Variants in CLEC4M observed in about 807,000 individuals in gnomAD.
CLEC4M encodes the protein CD209 antigen-like protein 1.
A neutral mutation model predicts 39.1 loss-of-function variants in CLEC4M; 25 were observed. The ratio of observed to expected loss-of-function variants is 0.64; its 90% CI spans 0.47 to 0.89. The LOEUF (loss-of-function observed/expected upper bound fraction) is 0.89, where lower values mean the gene tolerates loss of function less well. Among genes scored for constraint, CLEC4M ranks in the 40% least tolerant of loss-of-function variants. The probability of loss-of-function intolerance (pLI) is 0.00; values close to 1 mark genes in which losing one functional copy is unlikely to be tolerated. For synonymous variants in CLEC4M, 155 were observed against 177.4 expected, an observed-to-expected ratio of 0.87 and a Z score of 1.00; for missense variants, 353 against 431.4, an observed-to-expected ratio of 0.82 and a Z score of 1.61.
chr19:7,765,322 G>T (rs781267858), intron 3 of CLEC4M, 54 bp downstream of exon 3: 6 of 1,592,754 alleles, frequency 3.8e-6, no homozygotes, highest in Non-Finnish European at 5.2e-6. Context: ...TTTTGGCTAT[G>T]AACAGAGCCT....
intron 1 of CLEC4M, 28 bp from the exon 2 acceptor site, chr19:7,763,365 G>A: frequency 5.0e-6 from 8 of 1,613,432 alleles, no homozygotes; most frequent in African/African-American, 4.0e-5. Flanking sequence ...GGATGGCCCA[G>A]GCTCTGAGCT....
At chr19:7,768,760 CATCAATATTACAGA>C (rs1239796417) in intron 6 of CLEC4M, 64 bp from the exon 7 acceptor site, 1 of 1,517,996 alleles carries the variant, frequency 6.6e-7, no homozygotes, top group African/African-American at 1.4e-5. Context: ...GATGTTAAAG[CATCAATATTACAGA>C]AGGTAGGAGT....
chr19:7,764,557 C>T (rs1355155218), intron 2 of CLEC4M, among the ~76,000 whole-genome samples: 2 of 152,006 alleles, frequency 1.3e-5, no homozygotes, highest in East Asian at 1.9e-4. Flanking sequence ...GGCGCCATCT[C>T]GGCTCACTGC....
intron 6 of CLEC4M, 61 bp from the exon 7 acceptor site, chr19:7,768,777 G>A: frequency 6.3e-7 from 1 of 1,579,940 alleles, no homozygotes; most frequent in East Asian, 2.3e-5. Flanking sequence ...ATTACAGAAG[G>A]TAGGAGTGTG....
At chr19:7,765,083 T>G (rs1393281176) in intron 2 of CLEC4M, 102 bp from the exon 3 acceptor site, 1 of 1,268,838 alleles carries the variant, frequency 7.9e-7, no homozygotes, top group East Asian at 2.3e-5. Flanking sequence ...GGGCTGGGGC[T>G]GGGGTTCCTG....
intron 5 of CLEC4M, 187 bp from the exon 6 acceptor site, chr19:7,767,329 C>A (rs1410237032): frequency 3.5e-6 from 2 of 575,458 alleles, no homozygotes; most frequent in Non-Finnish European, 6.2e-6. Flanking sequence ...TGCGTGCCTG[C>A]ATGTCAGGAC....
At position 7,769,282 on chromosome 19, in the gene CLEC4M, T is replaced by C. The variant is rs1046000; in HGVS notation, c.*294T>C. 3.6e-6 allele frequency: 1 copy of C among 280,894 alleles called. No individual in the cohort carries two copies. Among genetic ancestry groups the C allele is most frequent in the East Asian group, 7.1e-5 (1 of 14,046 alleles). 17.4% of individuals were successfully genotyped at this position (280,894 alleles called of 1,614,324 possible). ...GTATGAATCCACTCTCTGTTCCTTT[T>C]GGAGATTAGACTATTTGGATTCATG... On this transcript the variant is annotated 3_prime_UTR_variant, in exon 7 of 7. Transcript: ENST00000327325.
Position 7,767,550 on chromosome 19 carries a change from G to A in CLEC4M, c.971G>A (p.Arg324His), listed in dbSNP as rs375821664. 3.5e-5 allele frequency: 56 copies of A among 1,614,148 alleles called. No individual in the cohort carries two copies. The highest frequency in any genetic ancestry group is 2.9e-4 in the East Asian group (13 of 44,882). ...FLQLQTSRSNRFSWMGLSDLN... is the reference protein window; with the variant it reads ...FLQLQTSRSNHFSWMGLSDLN... ...CAGCTGCAGACTTCCAGGAGTAACCGCTTCTCCTGGATGGGACTTTCAGAC... is the reference window on the plus strand; with the variant it reads ...CAGCTGCAGACTTCCAGGAGTAACCACTTCTCCTGGATGGGACTTTCAGAC... The change falls in exon 6 of 7, where the codon CGC becomes CAC. Residue 324 changes from arginine (R) to histidine (H), a missense_variant. Arg to His is a conservative substitution (Grantham distance 29, BLOSUM62 0). Transcript: ENST00000327325.
intron 2 of CLEC4M, 59 bp from the exon 3 acceptor site, chr19:7,765,126 C>A (rs1568528309): frequency 1.3e-6 from 2 of 1,581,572 alleles, no homozygotes; most frequent in Non-Finnish European, 1.7e-6. Flanking sequence ...AGGCCAGGCT[C>A]TCCCTGGGCC....
At position 7,766,228 on chromosome 19, in the gene CLEC4M, GGTC is replaced by G. The variant is rs770510120; in HGVS notation, c.784+22_784+24del. 87 of 1,613,306 alleles carry G rather than the reference GGTC, an allele frequency of 5.4e-5. No individual in the cohort carries two copies. In the African/African-American group the frequency reaches 9.9e-4, roughly 18 times the overall value. ...ATTTGGTGAGTTCCTGCACATCAAG[GGTC>G]CTTGGGCCTGAGATGGTCTCTGTGT... On this transcript the variant is annotated intron_variant, in intron 4 of 6. Transcript: ENST00000327325.
chr19:7,766,652 A>G lies in CLEC4M; in HGVS notation c.785-4A>G. ...GCCCAGCCCTGACCAGCCTCCCCCA[A>G]CAGAACGCCTGTGCCGCCACTGTCC... On this transcript the variant is annotated splice_polypyrimidine_tract_variant and splice_region_variant and intron_variant, in intron 4 of 6. Coordinates refer to ENST00000327325, the MANE Select transcript of CLEC4M (RefSeq NM_014257.5). 6.2e-7 allele frequency: 1 copy of G among 1,614,222 alleles called. No homozygotes were observed. The highest frequency in any genetic ancestry group is 1.1e-5 in the South Asian group (1 of 91,086).
At chr19:7,765,496 C>G in intron 3 of CLEC4M, 142 bp from the exon 4 acceptor site, 1 of 1,389,812 alleles carries the variant, frequency 7.2e-7, no homozygotes, top group Non-Finnish European at 9.7e-7. Flanking sequence ...GTGCTGCCTT[C>G]TCCAGGTGTC....
rs372318793 is a variant in CLEC4M, at chr19:7,766,281, A to T, written c.784+74A>T. ...TGATGTGACTTTACTTGAGTTACCA[A>T]CCCTGCCTGAGCCTCAGTTTCCTCC... is the stretch of plus-strand genomic sequence containing the variant. On this transcript the variant is annotated intron_variant, in intron 4 of 6. Coordinates refer to ENST00000327325, the MANE Select transcript of CLEC4M (RefSeq NM_014257.5). 9 of 1,587,084 alleles carry T rather than the reference A, an allele frequency of 5.7e-6. No individual in the cohort carries two copies. In the African/African-American group the frequency reaches 1.1e-4, roughly 19 times the overall value.
chr19:7,763,475 AG>A lies in CLEC4M; in HGVS notation c.130+1del, dbSNP rs1198035456. 2 of 1,613,594 alleles carry A rather than the reference AG, an allele frequency of 1.2e-6. No individual in the cohort carries two copies. Among genetic ancestry groups the A allele is most frequent in the South Asian group, 2.2e-5 (2 of 91,050 alleles). On this transcript the variant is annotated frameshift_variant and splice_region_variant, in exon 2 of 7. Coordinates refer to ENST00000327325, the MANE Select transcript of CLEC4M (RefSeq NM_014257.5). LOFTEE classifies it high-confidence loss of function. ...AGATACATGGCCACAAGAGCTCTAC[AG>A]GTAGGCAAGAGTTAGGGAGCAGATA... ...QQIHGHKSST[G>X]CLGHGALVLQ... is the part of the protein sequence containing the mutation.
chr19:7,766,854 G>A (rs757510890), intron 5 of CLEC4M, 47 bp downstream of exon 5: 2 of 1,612,740 alleles, frequency 1.2e-6, no homozygotes, highest in East Asian at 2.2e-5. Flanking sequence ...ATGGCTTCTG[G>A]CCAACTGGGG....
Position 7,765,819 on chromosome 19 carries a change from G to T in CLEC4M, c.396G>T (p.Leu132=), listed in dbSNP as rs777103191. The T allele has an allele frequency of 6.3e-7, 1 of 1,599,984 alleles. No individual in the cohort carries two copies. Among genetic ancestry groups the T allele is most frequent in the Non-Finnish European group, 8.5e-7 (1 of 1,172,402 alleles). The change falls in exon 4 of 7, where the codon CTG becomes CTT. Residue 132 remains leucine (L), a synonymous_variant. Transcript: ENST00000327325. The part of the protein sequence containing the change: ...AVGELPEKSK[L]QEIYQELTRL... ...GTGAGTTGCCAGAGAAATCCAAGCTGCAGGAGATCTACCAGGAGCTGACCC... is the reference window on the plus strand; with the variant it reads ...GTGAGTTGCCAGAGAAATCCAAGCTTCAGGAGATCTACCAGGAGCTGACCC...
At chr19:7,765,521 T>C (rs2034217538) in intron 3 of CLEC4M, 117 bp from the exon 4 acceptor site, 1 of 1,498,334 alleles carries the variant, frequency 6.7e-7, no homozygotes, top group African/African-American at 1.4e-5. Flanking sequence ...TTCCTCATCT[T>C]CAAAGGGGAT....
intron 6 of CLEC4M, 196 bp downstream of exon 6, chr19:7,767,824 G>A (rs1404416030): frequency 1.4e-5 from 8 of 559,400 alleles, no homozygotes; most frequent in South Asian, 9.0e-5. Context: ...TCCACCAGCA[G>A]AGCTGCAGGA....
intron 5 of CLEC4M, chr19:7,767,293 G>A (rs996449050): frequency 1.9e-6 from 1 of 540,314 alleles, no homozygotes; most frequent in Non-Finnish European, 3.3e-6. Flanking sequence ...ATTCACAGGA[G>A]CACATGAGGA....
Sources: gnomAD v4.1 joint callset for allele counts (sites outside exome capture counted in the v4.1 genomes callset) on GRCh38, gnomAD v4.1.1 for gene constraint, MANE v1.5 for transcripts, NCBI Gene and HGNC (gene_info 2026-07-23, HGNC 2026-07-21) for gene names.